The following INPP4B variants were observed in gnomAD, a reference collection of about 807,000 sequenced individuals.
INPP4B encodes inositol polyphosphate 4-phosphatase type II.
A neutral mutation model predicts 122.5 loss-of-function variants in INPP4B; 55 were observed. That is an observed-to-expected ratio of 0.45 (90% CI 0.36 to 0.56). The LOEUF (loss-of-function observed/expected upper bound fraction) is 0.56. Ranked by LOEUF, INPP4B falls within the 20% of genes least tolerant of loss-of-function variation. The pLI is 0.00. For missense variants in INPP4B, 1,000 were observed against 1,097.7 expected (o/e 0.91, Z 1.26); for synonymous variants, 403 against 388.7 (o/e 1.04, Z -0.43).
chr4:142,244,727 C>A (rs1393114327), intron 11 of INPP4B, among the ~76,000 whole-genome samples: 1 of 152,134 alleles, frequency 6.6e-6, no homozygotes, highest in Non-Finnish European at 1.5e-5. Flanking sequence ...GATTTATAAT[C>A]CTTTGGGTAT....
At chr4:142,597,949 A>G (rs887577555) in intron 2 of INPP4B, among the ~76,000 whole-genome samples, 1 of 152,202 alleles carries the variant, frequency 6.6e-6, no homozygotes, top group African/African-American at 2.4e-5. Flanking sequence ...AAAAATGAAG[A>G]CAGTCTTCCT....
At chr4:142,768,000 CA>C (rs1772418223) in intron 1 of INPP4B, 1 of 152,158 alleles carries the variant, frequency 6.6e-6, no homozygotes, top group African/African-American at 2.4e-5. Flanking sequence ...AGTCTGAGCT[CA>C]CACAAAACTC....
chr4:142,715,395 C>T (rs991816946), intron 2 of INPP4B, among the ~76,000 whole-genome samples: 1 of 152,158 alleles, frequency 6.6e-6, no homozygotes, highest in Non-Finnish European at 1.5e-5. Flanking sequence ...ATCACATGTG[C>T]CTAGTGGCTA....
chr4:142,501,978 G>A (rs1430804678), intron 2 of INPP4B, among the ~76,000 whole-genome samples: 2 of 152,090 alleles, frequency 1.3e-5, no homozygotes, highest in Non-Finnish European at 2.9e-5. Context: ...TTCCTTCAAG[G>A]GAAGTTCCAG....
chr4:142,139,071 T>C (rs1238802890), intron 18 of INPP4B, among the ~76,000 whole-genome samples: 1 of 152,168 alleles, frequency 6.6e-6, no homozygotes, highest in Non-Finnish European at 1.5e-5. Context: ...ACTAGGTATA[T>C]CCCTTCAAAT....
chr4:142,822,993 C>T (rs751189873), intron 1 of INPP4B, among the ~76,000 whole-genome samples: 14 of 152,264 alleles, frequency 9.2e-5, no homozygotes, highest in Admixed American at 2.0e-4. Flanking sequence ...GAAGGAGTGG[C>T]CACCATCTCA....
chr4:142,430,442 TA>T (rs1809056774), intron 4 of INPP4B, among the ~76,000 whole-genome samples: 1 of 152,048 alleles, frequency 6.6e-6, no homozygotes, highest in African/African-American at 2.4e-5. Flanking sequence ...TAATGTAAAT[TA>T]AAAGAGAAGG....
chr4:142,624,468 G>T (rs1236034264), intron 2 of INPP4B, among the ~76,000 whole-genome samples: 4 of 151,822 alleles, frequency 2.6e-5, no homozygotes, highest in African/African-American at 9.7e-5. Context: ...CTGGATATTA[G>T]CCCTTTGTCA....
At chr4:142,819,957 C>A (rs1284030841) in intron 1 of INPP4B, among the ~76,000 whole-genome samples, 1 of 152,074 alleles carries the variant, frequency 6.6e-6, no homozygotes, top group African/African-American at 2.4e-5. Context: ...TGAAATCACC[C>A]TTCCTTCCCC....
intron 15 of INPP4B, among the ~76,000 whole-genome samples, chr4:142,182,918 T>C (rs2152983922): frequency 6.6e-6 from 1 of 152,312 alleles, no homozygotes; most frequent in East Asian, 1.9e-4. Context: ...CTCTCTACAC[T>C]GTCACTCCAA....
At chr4:142,271,051 C>G (rs1437699027) in intron 9 of INPP4B, among the ~76,000 whole-genome samples, 2 of 151,848 alleles carry the variant, frequency 1.3e-5, no homozygotes, top group African/African-American at 2.4e-5. Flanking sequence ...ACAACCTCCA[C>G]CTCCCAGATT....
chr4:142,042,516 GTGTA>G (rs3043168), intron 25 of INPP4B, among the ~76,000 whole-genome samples: 2,523 of 48,118 alleles, frequency 0.052, 27 homozygotes, highest in Middle Eastern at 0.18. Context: ...TTATGTGTGT[GTGTA>G]TGTATGTATG....
At chr4:142,694,197 AC>A (rs1298662969) in intron 2 of INPP4B, among the ~76,000 whole-genome samples, 1 of 151,812 alleles carries the variant, frequency 6.6e-6, no homozygotes, top group Non-Finnish European at 1.5e-5. Flanking sequence ...ACATGGTGAA[AC>A]CCCGTCTGTA....
chr4:142,422,408 C>T (rs1267823420), intron 5 of INPP4B, among the ~76,000 whole-genome samples: 1 of 152,020 alleles, frequency 6.6e-6, no homozygotes, highest in Non-Finnish European at 1.5e-5. Flanking sequence ...GTAGTTGTTG[C>T]TGTGTCCTCC....
At chr4:142,841,839 G>T (rs895121784) in intron 1 of INPP4B, among the ~76,000 whole-genome samples, 2 of 151,884 alleles carry the variant, frequency 1.3e-5, no homozygotes, top group Non-Finnish European at 3.0e-5. Context: ...AATTAAAGTT[G>T]TCTGTGTATC....
intron 2 of INPP4B, among the ~76,000 whole-genome samples, chr4:142,558,865 T>G (rs1045141852): frequency 6.6e-6 from 1 of 150,528 alleles, no homozygotes; most frequent in Admixed American, 6.6e-5. Context: ...TATGTGTCCT[T>G]GATCGCCTGT....
intron 1 of INPP4B, among the ~76,000 whole-genome samples, chr4:142,749,372 A>T (rs1769296555): frequency 6.7e-6 from 1 of 150,166 alleles, no homozygotes; most frequent in Non-Finnish European, 1.5e-5. Flanking sequence ...TTTAAAAAAC[A>T]AAGTTTCTAA....
intron 2 of INPP4B, among the ~76,000 whole-genome samples, chr4:142,508,677 T>C (rs1824330053): frequency 6.6e-6 from 1 of 152,216 alleles, no homozygotes; most frequent in Non-Finnish European, 1.5e-5. Flanking sequence ...AGTGGTGTGA[T>C]AGTTGTGATT....
chr4:142,560,248 G>T (rs1730163317), intron 2 of INPP4B, among the ~76,000 whole-genome samples: 1 of 152,198 alleles, frequency 6.6e-6, no homozygotes, highest in African/African-American at 2.4e-5. Context: ...AGCCGGAAAA[G>T]GGTCAGCCTA....
Sources: allele counts gnomAD v4.1 joint callset (sites outside exome capture counted in the v4.1 genomes callset), GRCh38; gene constraint gnomAD v4.1.1; transcripts MANE v1.5; gene names NCBI Gene and HGNC (gene_info 2026-07-23, HGNC 2026-07-21).